The following GRIN2A variants were observed in gnomAD, a reference collection of about 807,000 sequenced individuals.
GRIN2A encodes the protein glutamate receptor ionotropic, NMDA 2A.
Under a neutral mutation model 113.4 loss-of-function variants are expected in GRIN2A, and 22 were observed. The observed-to-expected ratio is 0.19, with a 90% confidence interval of 0.14 to 0.28. GRIN2A has a LOEUF of 0.28. GRIN2A is among the 10% of genes least tolerant of loss of function. The pLI is 1.00. For missense variants in GRIN2A, 1,502 were observed against 1,887.0 expected, an observed-to-expected ratio of 0.80 and a Z score of 3.78; for synonymous variants, 827 against 738.4, an observed-to-expected ratio of 1.12 and a Z score of -1.94.
intron 4 of GRIN2A, among the ~76,000 whole-genome samples, chr16:9,851,120 G>C (rs1009562064): frequency 6.6e-6 from 1 of 152,166 alleles, no homozygotes; most frequent in African/African-American, 2.4e-5. Context: ...CCCTTAAAGA[G>C]AATTCAAACA....
intron 4 of GRIN2A, among the ~76,000 whole-genome samples, chr16:9,883,644 G>C (rs547437026): frequency 2.0e-5 from 3 of 152,186 alleles, no homozygotes; most frequent in Admixed American, 2.0e-4. Flanking sequence ...GGGTACGGGC[G>C]AATAAACATA....
At chr16:10,135,632 A>G (rs2049176683) in intron 2 of GRIN2A, among the ~76,000 whole-genome samples, 1 of 152,244 alleles carries the variant, frequency 6.6e-6, no homozygotes, top group Non-Finnish European at 1.5e-5. Context: ...ATTAAGAAAT[A>G]CATGACAAGG....
chr16:10,034,399 C>T (rs1163037297), intron 2 of GRIN2A, among the ~76,000 whole-genome samples: 1 of 151,824 alleles, frequency 6.6e-6, no homozygotes, highest in African/African-American at 2.4e-5. Flanking sequence ...TTAGCACATG[C>T]CTATAGTCCC....
intron 2 of GRIN2A, among the ~76,000 whole-genome samples, chr16:10,044,022 T>TAGAGAGAGAGAG (rs1555469980): frequency 2.8e-5 from 3 of 107,984 alleles, no homozygotes; most frequent in Admixed American, 1.1e-4. Flanking sequence ...TATATATATA[T>TAGAGAGAGAGAG]AGAGAGAGAG....
Position 10,181,183 on chromosome 16 carries a change from GCGTGCACACACA to G in GRIN2A, c.-19+682_-19+693del, listed in dbSNP as rs1458813327. The stretch of plus-strand genomic sequence containing the variant: ...GAGAGTCCTTCACCCCTACACGCGC[GCGTGCACACACA>G]CGTGCACACACACACGCACACACAC... On this transcript the variant is annotated intron_variant, in intron 1 of 12. Coordinates refer to ENST00000330684, the MANE Select transcript of GRIN2A (RefSeq NM_001134407.3). Among the ~76,000 whole-genome samples the G allele has an allele frequency of 2.8e-4, 43 of 152,316 alleles. No homozygotes were observed. The South Asian group carries it at 3.9e-3, about 14-fold the overall frequency.
chr16:10,021,285 A>G (rs1414902150), intron 2 of GRIN2A, among the ~76,000 whole-genome samples: 1 of 152,114 alleles, frequency 6.6e-6, no homozygotes, highest in Non-Finnish European at 1.5e-5. Flanking sequence ...TTGAACATCT[A>G]TGTTGTGTCA....
chr16:9,821,425 C>T (rs903385978), intron 10 of GRIN2A, among the ~76,000 whole-genome samples: 1 of 152,050 alleles, frequency 6.6e-6, no homozygotes, highest in Non-Finnish European at 1.5e-5. Context: ...CAGAAAGAAA[C>T]CAATGTGGGC....
At chr16:10,004,453 G>C (rs2046372417) in intron 2 of GRIN2A, among the ~76,000 whole-genome samples, 2 of 151,958 alleles carry the variant, frequency 1.3e-5, no homozygotes, top group Non-Finnish European at 2.9e-5. Context: ...CTACAAACCA[G>C]GTGGTTTAAA....
At chr16:10,104,672 T>C (rs1478391003) in intron 2 of GRIN2A, among the ~76,000 whole-genome samples, 1 of 152,164 alleles carries the variant, frequency 6.6e-6, no homozygotes, top group East Asian at 1.9e-4. Flanking sequence ...GACAAGTTTC[T>C]GTACTGAGTC....
chr16:9,826,512 T>G (rs1431598946), intron 9 of GRIN2A, among the ~76,000 whole-genome samples: 1 of 152,074 alleles, frequency 6.6e-6, no homozygotes. Flanking sequence ...ACACAGGTAT[T>G]CATGATAAAC....
chr16:9,992,304 G>T (rs2046132399), intron 2 of GRIN2A, among the ~76,000 whole-genome samples: 1 of 152,154 alleles, frequency 6.6e-6, no homozygotes, highest in Non-Finnish European at 1.5e-5. Flanking sequence ...GCTGGATGAG[G>T]TAAAGAGGAG....
At chr16:10,136,504 T>C (rs2049193834) in intron 2 of GRIN2A, among the ~76,000 whole-genome samples, 1 of 152,234 alleles carries the variant, frequency 6.6e-6, no homozygotes, top group African/African-American at 2.4e-5. Context: ...GTAGACCTGT[T>C]ATCCATGGTG....
chr16:9,951,440 A>ATTTGTG (rs1209075983), intron 2 of GRIN2A, among the ~76,000 whole-genome samples: 4 of 152,222 alleles, frequency 2.6e-5, no homozygotes, highest in Non-Finnish European at 5.9e-5. Flanking sequence ...TCATGGGTGC[A>ATTTGTG]TTTGTGTTTG....
chr16:9,895,335 C>T (rs1022618247), intron 3 of GRIN2A, among the ~76,000 whole-genome samples: 10 of 152,108 alleles, frequency 6.6e-5, no homozygotes, highest in African/African-American at 2.4e-4. Flanking sequence ...AATGCAAAGT[C>T]CAAGGCAGAA....
intron 8 of GRIN2A, among the ~76,000 whole-genome samples, chr16:9,833,507 A>G (rs2042533128): frequency 6.6e-6 from 1 of 152,230 alleles, no homozygotes; most frequent in Admixed American, 6.5e-5. Flanking sequence ...TTTTAAATTA[A>G]TTGTCAGAAA....
chr16:9,959,490 G>A (rs1164016204), intron 2 of GRIN2A, among the ~76,000 whole-genome samples: 1 of 152,178 alleles, frequency 6.6e-6, no homozygotes, highest in Admixed American at 6.5e-5. Context: ...TTTGCAGAGT[G>A]AGCCTGGTTA....
chr16:9,964,073 G>A (rs1429080561), intron 2 of GRIN2A, among the ~76,000 whole-genome samples: 1 of 152,164 alleles, frequency 6.6e-6, no homozygotes, highest in Admixed American at 6.5e-5. Flanking sequence ...TTTGGAGAGG[G>A]CTCCCAAGAA....
At chr16:10,116,333 G>A (rs1378545744) in intron 2 of GRIN2A, among the ~76,000 whole-genome samples, 1 of 152,204 alleles carries the variant, frequency 6.6e-6, no homozygotes, top group Non-Finnish European at 1.5e-5. Context: ...GGAAGGGAGA[G>A]CATCAGGATA....
intron 2 of GRIN2A, among the ~76,000 whole-genome samples, chr16:10,004,660 C>A (rs2046375707): frequency 6.6e-6 from 1 of 152,166 alleles, no homozygotes; most frequent in African/African-American, 2.4e-5. Context: ...ATCTTCAAAG[C>A]AAGAAGCACA....
Sources: allele counts gnomAD v4.1 joint callset (sites outside exome capture counted in the v4.1 genomes callset), GRCh38; gene constraint gnomAD v4.1.1; transcripts MANE v1.5; gene names NCBI Gene and HGNC (gene_info 2026-07-23, HGNC 2026-07-21).